Variants in TNK2 observed in about 807,000 individuals in gnomAD.
The protein encoded by TNK2 is activated CDC42 kinase 1.
TNK2 carries 83 observed loss-of-function variants against 101.8 expected under a neutral mutation model. The ratio of observed to expected loss-of-function variants is 0.82; its 90% CI spans 0.68 to 0.98. TNK2 has a LOEUF of 0.98. Ranked by LOEUF, TNK2 falls within the 50% of genes least tolerant of loss-of-function variation. The pLI is 0.00. For missense variants in TNK2, 1,665 were observed against 1,483.2 expected (o/e 1.12, Z -2.01); for synonymous variants, 804 against 633.0 (o/e 1.27, Z -4.06).
chr3:195,881,540 C>CCG (rs1752908587), intron 6 of TNK2, among the ~76,000 whole-genome samples: 1 of 105,232 alleles, frequency 9.5e-6, no homozygotes, highest in Non-Finnish European at 1.9e-5. Context: ...TAACACCCCC[C>CCG]CCAGCAATGC....
intron 2 of TNK2, among the ~76,000 whole-genome samples, chr3:195,887,926 A>G (rs1560528630): frequency 1.4e-5 from 2 of 139,864 alleles, no homozygotes; most frequent in South Asian, 2.3e-4. Flanking sequence ...GCGTGCGTGC[A>G]CGTGTGTGCG....
chr3:195,869,611 C>T (rs1165374733), intron 11 of TNK2, 70 bp from the exon 12 acceptor site: 46 of 1,452,876 alleles, frequency 3.2e-5, no homozygotes, highest in East Asian at 3.0e-4. Flanking sequence ...GGGAGACGGC[C>T]GGACGAGAGG....
chr3:195,864,231 A>C, intron 15 of TNK2, 44 bp from the exon 16 acceptor site: 1 of 1,613,094 alleles, frequency 6.2e-7, no homozygotes, highest in Non-Finnish European at 8.5e-7. Context: ...AGTTTACAGA[A>C]GGTTCAGCGG....
intron 1 of TNK2, 104 bp downstream of exon 1, chr3:195,908,381 G>C (rs1483713339): frequency 6.5e-6 from 1 of 152,698 alleles, no homozygotes; most frequent in African/African-American, 2.4e-5. Flanking sequence ...GGGATGAAAG[G>C]CCAAAAGAAC....
chr3:195,870,538 G>T, intron 10 of TNK2: 1 of 568,740 alleles, frequency 1.8e-6, no homozygotes, highest in South Asian at 1.9e-5. Context: ...CTCCTGTCCC[G>T]CAGGCCACGA....
intron 15 of TNK2, among the ~76,000 whole-genome samples, chr3:195,864,609 G>A (rs1174018357): frequency 6.8e-6 from 1 of 147,782 alleles, no homozygotes; most frequent in Non-Finnish European, 1.5e-5. Flanking sequence ...TGACAGACAG[G>A]TGACACGGAG....
intron 15 of TNK2, among the ~76,000 whole-genome samples, chr3:195,865,176 C>T (rs113159815): frequency 2.7e-5 from 3 of 110,162 alleles, no homozygotes; most frequent in Non-Finnish European, 3.8e-5. Flanking sequence ...AAGAACCACC[C>T]GAGACAGTGA....
At chr3:195,866,863 C>T (rs746746678) in intron 15 of TNK2, 26 bp downstream of exon 15, 19 of 1,604,796 alleles carry the variant, frequency 1.2e-5, no homozygotes, top group Middle Eastern at 1.7e-4. Context: ...GGGCACGGAG[C>T]GGGGCAGACT....
intron 1 of TNK2, among the ~76,000 whole-genome samples, chr3:195,893,266 C>T (rs968304182): frequency 9.9e-5 from 15 of 151,664 alleles, no homozygotes; most frequent in East Asian, 2.0e-4. Context: ...TGGTGCCCGA[C>T]GGAAATAGGC....
intron 15 of TNK2, among the ~76,000 whole-genome samples, chr3:195,865,009 G>A (rs1462382785): frequency 7.3e-6 from 1 of 136,454 alleles, no homozygotes. Flanking sequence ...GTGACAGCGA[G>A]TGCCTGCGTC....
At chr3:195,871,797 C>T (rs963114122) in intron 10 of TNK2, among the ~76,000 whole-genome samples, 1 of 152,218 alleles carries the variant, frequency 6.6e-6, no homozygotes, top group African/African-American at 2.4e-5. Context: ...TTACAGCCTT[C>T]CCCTTATTGG....
chr3:195,864,551 G>A (rs985694191), intron 15 of TNK2, among the ~76,000 whole-genome samples: 11 of 137,942 alleles, frequency 8.0e-5, no homozygotes, highest in African/African-American at 3.0e-4. Context: ...CAGGTGACAC[G>A]GAGTGCCTGC....
chr3:195,864,055 T>C lies in TNK2; in HGVS notation c.*126A>G. ...CAGCCTCCCGCAGCCTTGGCCTTGC[T>C]CCATCCCCGGGAGCAGCAGGAGCAG... On this transcript the variant is annotated 3_prime_UTR_variant, in exon 16 of 16. Transcript: ENST00000672887. 1 of 1,361,370 alleles carries C rather than the reference T, an allele frequency of 7.3e-7. No individual in the cohort carries two copies. Among genetic ancestry groups the C allele is most frequent in the Non-Finnish European group, 1.0e-6 (1 of 967,802 alleles). The allele number at this position is 1,361,370 out of a possible 1,614,324, so 84.3% of individuals were successfully genotyped here.
intron 1 of TNK2, among the ~76,000 whole-genome samples, chr3:195,897,813 C>T (rs1313987723): frequency 6.6e-5 from 2 of 30,162 alleles, no homozygotes; most frequent in Non-Finnish European, 1.2e-4. Flanking sequence ...CCCCCTCACC[C>T]CCCCACCCCC....
chr3:195,867,608 G>C lies in TNK2; in HGVS notation c.2690C>G (p.Pro897Arg). The C allele has an allele frequency of 1.3e-6, 2 of 1,596,856 alleles. No homozygotes were observed. Among genetic ancestry groups the C allele is most frequent in the South Asian group, 1.1e-5 (1 of 90,788 alleles). Residue 897 changes from proline to arginine, a missense_variant, in exon 13 of 16, where the codon CCC (proline) becomes CGC (arginine). Physicochemically the swap from Pro to Arg is moderately radical, Grantham distance 103. Coordinates refer to ENST00000672887, the MANE Select transcript of TNK2 (RefSeq NM_001382273.1). The stretch of plus-strand genomic sequence containing the variant: ...CACAGGCAGGGGGGTAGGCTCCTCG[G>C]GGCTCTGGGCCTCACGCAGGAAGCG... ...YQRFLREAQSPEEPTPLPVPL... is the reference protein window; with the variant it reads ...YQRFLREAQSREEPTPLPVPL...
intron 1 of TNK2, among the ~76,000 whole-genome samples, chr3:195,905,432 C>A (rs1197316096): frequency 6.6e-6 from 1 of 152,066 alleles, no homozygotes; most frequent in African/African-American, 2.4e-5. Flanking sequence ...AACTCCTGAC[C>A]TCATGATCCG....
In TNK2 at chr3:195,890,170, G is replaced by A. The variant is rs561820227; in HGVS notation, c.-18-1564C>T. ...CGGGCCAGGCAGCTGGGCCAGCCGG[G>A]TGGTTTCCAAACTTAAAGCTGTAAC... On this transcript the variant is annotated intron_variant, in intron 1 of 15. Coordinates refer to ENST00000672887, the MANE Select transcript of TNK2 (RefSeq NM_001382273.1). Among the ~76,000 whole-genome samples, 9 of 152,374 alleles carry A rather than the reference G, an allele frequency of 5.9e-5. No individual in the cohort carries two copies. In the East Asian group the frequency reaches 9.6e-4, roughly 16 times the overall value.
At chr3:195,895,617 C>T (rs1253291243) in intron 1 of TNK2, 1 of 1,286,834 alleles carries the variant, frequency 7.8e-7, no homozygotes, top group Non-Finnish European at 9.8e-7. Context: ...CCGGGCTGAC[C>T]CCCACCGAGA....
At chr3:195,893,961 A>G (rs181794570) in intron 1 of TNK2, among the ~76,000 whole-genome samples, 126 of 152,216 alleles carry the variant, frequency 8.3e-4, no homozygotes, top group African/African-American at 2.8e-3. Flanking sequence ...GACACCCCCA[A>G]CTTCAGTCCC....
Sources: gnomAD v4.1 joint callset for allele counts (sites outside exome capture counted in the v4.1 genomes callset) on GRCh38, gnomAD v4.1.1 for gene constraint, MANE v1.5 for transcripts, NCBI Gene and HGNC (gene_info 2026-07-23, HGNC 2026-07-21) for gene names.